TARBP1: variants seen among roughly 807,000 people sequenced by gnomAD.
The protein encoded by TARBP1 is tRNA (guanosine(18)-2'-O)-methyltransferase TARBP1.
TARBP1 carries 144 observed loss-of-function variants against 178.6 expected under a neutral mutation model. That is an observed-to-expected ratio of 0.81 (90% CI 0.70 to 0.93). The LOEUF is 0.93. Among genes scored for constraint, TARBP1 ranks in the 40% least tolerant of loss-of-function variants. The pLI, the probability that TARBP1 is intolerant of heterozygous loss-of-function variation, is 0.00. For missense variants in TARBP1, 2,067 were observed against 2,011.7 expected, an observed-to-expected ratio of 1.03 and a Z score of -0.53; for synonymous variants, 787 against 781.0, an observed-to-expected ratio of 1.01 and a Z score of -0.13.
chr1:234,391,388 CAA>C lies in TARBP1; in HGVS notation c.*187_*188del. ...TTATTAAAGGAAGAATACAATTTAA[CAA>C]AAAGTGTTTATTAAAGGGGAAAATA... On this transcript the variant is annotated 3_prime_UTR_variant, in exon 30 of 30. Coordinates refer to ENST00000040877, the MANE Select transcript of TARBP1 (RefSeq NM_005646.4). 2.3e-6 allele frequency: 1 copy of C among 440,750 alleles called. No homozygotes were observed. Among genetic ancestry groups the C allele is most frequent in the Non-Finnish European group, 3.9e-6 (1 of 253,672 alleles). 27.3% of individuals were successfully genotyped at this position (440,750 alleles called of 1,614,324 possible). A position where few individuals can be genotyped will look rare whatever the true frequency, so the allele number is the denominator to read the frequency against.
chr1:234,465,710 T>TAAAAA lies in TARBP1; in HGVS notation c.1249-7_1249-3dup, dbSNP rs531256921. 4.9e-5 allele frequency: 62 copies of TAAAAA among 1,271,330 alleles called. No individual in the cohort carries two copies. Among genetic ancestry groups the TAAAAA allele is most frequent in the South Asian group, 1.4e-4 (8 of 57,392 alleles). The allele number at this position is 1,271,330 out of a possible 1,614,324, so 78.8% of individuals were successfully genotyped here. On this transcript the variant is annotated splice_polypyrimidine_tract_variant and splice_region_variant and intron_variant, in intron 4 of 29. Coordinates refer to ENST00000040877, the MANE Select transcript of TARBP1 (RefSeq NM_005646.4). ...ATCCATTAATGGTCCAATAATAAAC[T>TAAAAA]AAAAAAAAAAAAAAAAAAAGACACG...
intron 12 of TARBP1, among the ~76,000 whole-genome samples, chr1:234,437,755 A>G (rs1442933712): frequency 6.6e-6 from 1 of 152,228 alleles, no homozygotes; most frequent in Non-Finnish European, 1.5e-5. Flanking sequence ...CCCAATTGTA[A>G]CCAGATGCAG....
At chr1:234,475,033 T>C (rs1392796092) in intron 1 of TARBP1, among the ~76,000 whole-genome samples, 1 of 152,306 alleles carries the variant, frequency 6.6e-6, no homozygotes, top group African/African-American at 2.4e-5. Context: ...AAAAATGGCA[T>C]TTTGACAAGT....
chr1:234,425,799 A>T lies in TARBP1; in HGVS notation c.3324-6T>A. The stretch of plus-strand genomic sequence containing the variant: ...AATGGTCTTCTCTCTTAGTACTAAA[A>T]AAATTAAATGATAAATTATGTTAAT... On this transcript the variant is annotated splice_region_variant and splice_polypyrimidine_tract_variant and intron_variant, in intron 19 of 29. Coordinates refer to ENST00000040877, the MANE Select transcript of TARBP1 (RefSeq NM_005646.4). 6.5e-7 allele frequency: 1 copy of T among 1,533,516 alleles called. No homozygotes were observed. The highest frequency in any genetic ancestry group is 2.3e-5 in the East Asian group (1 of 44,210). The allele number at this position is 1,533,516 out of a possible 1,614,324, so 95.0% of individuals were successfully genotyped here.
At chr1:234,474,450 A>G (rs1669398911) in intron 1 of TARBP1, among the ~76,000 whole-genome samples, 1 of 152,170 alleles carries the variant, frequency 6.6e-6, no homozygotes, top group Non-Finnish European at 1.5e-5. Flanking sequence ...ATTTCCCAGA[A>G]CTGAAGAACA....
chr1:234,406,476 A>T (rs533021969), intron 23 of TARBP1: 1 of 200,326 alleles, frequency 5.0e-6, no homozygotes, highest in East Asian at 1.2e-4. Flanking sequence ...AGAAAGTCAG[A>T]AATAGTCTTC....
intron 12 of TARBP1, among the ~76,000 whole-genome samples, chr1:234,441,121 C>T (rs1179811800): frequency 1.3e-5 from 2 of 152,124 alleles, no homozygotes; most frequent in Non-Finnish European, 2.9e-5. Context: ...GAGGTAGAGG[C>T]TGCAGTGAGC....
chr1:234,446,698 T>C (rs1342883253), intron 12 of TARBP1, 105 bp downstream of exon 12: 7 of 536,048 alleles, frequency 1.3e-5, no homozygotes, highest in Admixed American at 6.1e-5. Flanking sequence ...CTAAATTATA[T>C]AAAAAGTTTT....
rs753792995 is a variant in TARBP1 at position 234,467,627 on chromosome 1, A to C, written c.1123T>G (p.Trp375Gly). The C allele has an allele frequency of 1.3e-6, 2 of 1,596,882 alleles. No individual in the cohort carries two copies. The highest frequency in any genetic ancestry group is 1.2e-5 in the South Asian group (1 of 86,576). Residue 375 changes from tryptophan (W) to glycine (G), a missense_variant, in exon 4 of 30, where the codon TGG becomes GGG. Transcript: ENST00000040877. ...ATTCTTTTATAAATACACATATGCCAGGATGGGTGAAAGAGCCAACATCCT... is the reference window on the plus strand; with the variant it reads ...ATTCTTTTATAAATACACATATGCCCGGATGGGTGAAAGAGCCAACATCCT... ...ENGCWLFHPS[W>G]HMCIYKRMFE...
chr1:234,437,876 G>A (rs1366608976), intron 12 of TARBP1, among the ~76,000 whole-genome samples: 1 of 152,218 alleles, frequency 6.6e-6, no homozygotes, highest in Non-Finnish European at 1.5e-5. Flanking sequence ...GACAGGGAGG[G>A]ATGCAGGAAA....
At chr1:234,462,720 A>G (rs550643601) in intron 6 of TARBP1, among the ~76,000 whole-genome samples, 2 of 151,588 alleles carry the variant, frequency 1.3e-5, no homozygotes, top group South Asian at 4.2e-4. Context: ...TGACTCTAAC[A>G]GTTATCTTCC....
chr1:234,430,147 G>T lies in TARBP1; in HGVS notation c.2549C>A (p.Thr850Lys). Residue 850 changes from threonine to lysine, a missense_variant, in exon 15 of 30, where the codon ACG (threonine) becomes AAG (lysine). Coordinates refer to ENST00000040877, the MANE Select transcript of TARBP1 (RefSeq NM_005646.4). ...CTCCTCTGCGTGGGGCTTCTGCAGC[G>T]TCTGATTGAGCTGAAGAGAGGAAAG... ...SFLSSLQLNQ[T>K]LQKPHAEEQS... The T allele has an allele frequency of 6.2e-7, 1 of 1,614,134 alleles. No individual in the cohort carries two copies.
intron 12 of TARBP1, 70 bp from the exon 13 acceptor site, chr1:234,437,442 T>C (rs184622343): frequency 8.7e-6 from 6 of 693,000 alleles, no homozygotes; most frequent in East Asian, 2.9e-5. Flanking sequence ...CCAGATATTC[T>C]AGTAAATGTA....
intron 24 of TARBP1, among the ~76,000 whole-genome samples, chr1:234,403,275 G>A (rs1291166962): frequency 5.3e-5 from 8 of 152,092 alleles, no homozygotes; most frequent in South Asian, 2.1e-4. Context: ...GGGGCTGGCC[G>A]TTCCCAAACA....
intron 23 of TARBP1, among the ~76,000 whole-genome samples, chr1:234,409,966 G>T (rs2103063700): frequency 6.6e-6 from 1 of 152,218 alleles, no homozygotes; most frequent in South Asian, 2.1e-4. Flanking sequence ...TTCTAAACCT[G>T]AGGAACATGA....
intron 11 of TARBP1, among the ~76,000 whole-genome samples, chr1:234,447,394 CTT>C (rs36066908): frequency 6.7e-5 from 7 of 104,620 alleles, no homozygotes; most frequent in Admixed American, 1.3e-4. Flanking sequence ...TGTTAACCAA[CTT>C]TTTTTTTTTT....
At chr1:234,391,827 TTCAC>T (rs1300289635) in intron 29 of TARBP1, 82 bp from the exon 30 acceptor site, 1 of 1,424,406 alleles carries the variant, frequency 7.0e-7, no homozygotes, top group African/African-American at 1.4e-5. Flanking sequence ...TTTTTGTTTA[TTCAC>T]TTATTTTTCT....
Position 234,467,443 on chromosome 1 carries a change from G to A in TARBP1, c.1248+59C>T, listed in dbSNP as rs1668562219. On this transcript the variant is annotated intron_variant, in intron 4 of 29. Coordinates refer to ENST00000040877, the MANE Select transcript of TARBP1 (RefSeq NM_005646.4). Reference sequence around the variant, plus strand: ...TTACTTGCTGATACAGAATCCTAGTGTATTTTTACCTCTCGCCTTTCAACA... The same window carrying A: ...TTACTTGCTGATACAGAATCCTAGTATATTTTTACCTCTCGCCTTTCAACA... 3.5e-6 allele frequency: 5 copies of A among 1,416,818 alleles called. No homozygotes were observed. The East Asian group carries it at 7.8e-5, about 22-fold the overall frequency. The allele number at this position is 1,416,818 out of a possible 1,614,324, so 87.8% of individuals were successfully genotyped here. A position where few individuals can be genotyped will look rare whatever the true frequency, so the allele number is the denominator to read the frequency against.
intron 21 of TARBP1, among the ~76,000 whole-genome samples, chr1:234,419,996 A>C (rs754396192): frequency 1.1e-4 from 17 of 152,210 alleles, no homozygotes; most frequent in Non-Finnish European, 1.8e-4. Flanking sequence ...GACAGTAGGA[A>C]ATTTTCATGT....
Sources: allele counts gnomAD v4.1 joint callset (sites outside exome capture counted in the v4.1 genomes callset), GRCh38; gene constraint gnomAD v4.1.1; transcripts MANE v1.5; gene names NCBI Gene and HGNC (gene_info 2026-07-23, HGNC 2026-07-21).